EMILIN2: variants seen among roughly 807,000 people sequenced by gnomAD.
EMILIN2 encodes the protein elastin microfibril interfacer 2, also known as EMILIN-2.
EMILIN2 carries 71 observed loss-of-function variants against 87.1 expected under a neutral mutation model. That is an observed-to-expected ratio of 0.82 (90% CI 0.67 to 0.99). The LOEUF (loss-of-function observed/expected upper bound fraction) is 0.99. Ranked by LOEUF, EMILIN2 falls within the 50% of genes least tolerant of loss-of-function variation. EMILIN2 has a pLI of 0.00. For synonymous variants in EMILIN2, 581 were observed against 563.4 expected (o/e 1.03, Z -0.44); for missense variants, 1,407 against 1,371.8 (o/e 1.03, Z -0.40).
chr18:2,849,130 G>C (rs1321583146), intron 2 of EMILIN2, among the ~76,000 whole-genome samples: 2 of 152,232 alleles, frequency 1.3e-5, no homozygotes, highest in East Asian at 3.8e-4. Flanking sequence ...TTGTCAGAGA[G>C]ATAAGGTACT....
At chr18:2,855,255 A>G (rs1254255732) in intron 2 of EMILIN2, among the ~76,000 whole-genome samples, 1 of 152,162 alleles carries the variant, frequency 6.6e-6, no homozygotes, top group East Asian at 1.9e-4. Flanking sequence ...CTAGGTTCCC[A>G]GTGGAGGAGA....
chr18:2,909,770 CTT>C lies in EMILIN2; in HGVS notation c.2777_2778del (p.Phe926Ter). 1 of 1,613,114 alleles carries C rather than the reference CTT, an allele frequency of 6.2e-7. No individual in the cohort carries two copies. Among genetic ancestry groups the C allele is most frequent in the Non-Finnish European group, 8.5e-7 (1 of 1,179,702 alleles). On this transcript the variant is annotated frameshift_variant, in exon 7 of 8. Coordinates refer to ENST00000254528, the MANE Select transcript of EMILIN2 (RefSeq NM_032048.3). LOFTEE classifies it high-confidence loss of function. Reference sequence around the variant, plus strand: ...TCCCCAGTGATGGGGGCGTTGTCCTCTTTAACAAAGTGCTGGTGAACGACGGG... The same window carrying C: ...TCCCCAGTGATGGGGGCGTTGTCCTCTAACAAAGTGCTGGTGAACGACGGG... ...PFPSDGGVVL[F>X]NKVLVNDGDV...
At chr18:2,906,715 C>G in intron 4 of EMILIN2, 68 bp from the exon 5 acceptor site, 1 of 1,165,908 alleles carries the variant, frequency 8.6e-7, no homozygotes, top group East Asian at 3.3e-5. Context: ...ATGGAGGGGA[C>G]CCTGACGGGG....
At chr18:2,902,198 T>A (rs1385252784) in intron 4 of EMILIN2, among the ~76,000 whole-genome samples, 1 of 152,226 alleles carries the variant, frequency 6.6e-6, no homozygotes, top group Non-Finnish European at 1.5e-5. Flanking sequence ...CCCAACTTAA[T>A]GGCTGGCAGG....
At chr18:2,855,598 G>GA (rs2076622916) in intron 2 of EMILIN2, among the ~76,000 whole-genome samples, 1 of 152,200 alleles carries the variant, frequency 6.6e-6, no homozygotes, top group Non-Finnish European at 1.5e-5. Context: ...AGGGGAGGCA[G>GA]GTGGGGCCAG....
chr18:2,877,743 A>G (rs1364138723), intron 2 of EMILIN2, among the ~76,000 whole-genome samples: 1 of 149,740 alleles, frequency 6.7e-6, no homozygotes, highest in Non-Finnish European at 1.5e-5. Context: ...GCACCTCTGC[A>G]CTCCTGCCTG....
Position 2,892,289 on chromosome 18 carries a change from G to A in EMILIN2, c.2162G>A (p.Gly721Glu). ...KTCSKLDSIS[G>E]NLQRIKEGLN... ...TGCAGCAAGCTGGACTCTATCTCAG[G>A]AAATCTTCAGAGGATCAAGGAGGGG... The change falls in exon 4 of 8, where the codon GGA (glycine) becomes GAA (glutamate). Residue 721 changes from glycine to glutamate, a missense_variant. Physicochemically the swap from Gly to Glu is moderately conservative, Grantham distance 98. Coordinates refer to ENST00000254528, the MANE Select transcript of EMILIN2 (RefSeq NM_032048.3). 6.2e-7 allele frequency: 1 copy of A among 1,614,158 alleles called. No individual in the cohort carries two copies. Among genetic ancestry groups the A allele is most frequent in the Non-Finnish European group, 8.5e-7 (1 of 1,180,020 alleles).
chr18:2,909,053 C>T, intron 6 of EMILIN2, 78 bp downstream of exon 6: 2 of 1,540,492 alleles, frequency 1.3e-6, no homozygotes, highest in East Asian at 2.2e-5. Context: ...TCTCCTGCCT[C>T]CTCCCTCCAG....
At chr18:2,859,874 G>T (rs960349210) in intron 2 of EMILIN2, among the ~76,000 whole-genome samples, 2 of 152,064 alleles carry the variant, frequency 1.3e-5, no homozygotes, top group African/African-American at 4.8e-5. Flanking sequence ...ACTATCAGTT[G>T]GCTGTAAGTA....
chr18:2,904,060 T>C (rs1028559152), intron 4 of EMILIN2, among the ~76,000 whole-genome samples: 16 of 152,238 alleles, frequency 1.1e-4, no homozygotes, highest in Admixed American at 6.5e-5. Flanking sequence ...AAAAATATCT[T>C]TATTCTACTC....
intron 2 of EMILIN2, among the ~76,000 whole-genome samples, chr18:2,864,863 G>T (rs555282083): frequency 6.8e-6 from 1 of 147,764 alleles, no homozygotes; most frequent in Non-Finnish European, 1.5e-5. Context: ...CCAATCAGAC[G>T]TAGATTTGGT....
chr18:2,904,184 C>A (rs1390252228), intron 4 of EMILIN2, among the ~76,000 whole-genome samples: 5 of 152,194 alleles, frequency 3.3e-5, no homozygotes, highest in East Asian at 1.9e-4. Flanking sequence ...TGTTGAGAAG[C>A]CTGGTGATGC....
At chr18:2,871,783 C>T (rs925125463) in intron 2 of EMILIN2, among the ~76,000 whole-genome samples, 9 of 152,160 alleles carry the variant, frequency 5.9e-5, no homozygotes, top group Non-Finnish European at 4.4e-5. Context: ...TTAACTATAA[C>T]CCTTCATGTG....
rs532030306 is a variant in EMILIN2 at position 2,894,778 on chromosome 18, C to T, written c.2359+2292C>T. On this transcript the variant is annotated intron_variant, in intron 4 of 7. Transcript: ENST00000254528. The surrounding 1 kb of genome is among the most constrained non-coding windows in gnomAD (Gnocchi z 5.0). ...ATAAACAAGCAGAGCCTCCTCTGCC[C>T]TTGTCTAGCATCCAGGTCTAGGAGA... Among the ~76,000 whole-genome samples, 1 of 152,136 alleles carries T rather than the reference C, an allele frequency of 6.6e-6. No individual in the cohort carries two copies. The highest frequency in any genetic ancestry group is 1.5e-5 in the Non-Finnish European group (1 of 68,028).
chr18:2,858,064 CAA>C (rs145288751), intron 2 of EMILIN2, among the ~76,000 whole-genome samples: 3,905 of 152,226 alleles, frequency 0.026, 138 homozygotes, highest in African/African-American at 0.088. Context: ...TGTCTGGAAC[CAA>C]AGAGCAAAGC....
At chr18:2,876,537 T>A (rs538887303) in intron 2 of EMILIN2, among the ~76,000 whole-genome samples, 9 of 146,890 alleles carry the variant, frequency 6.1e-5, no homozygotes, top group African/African-American at 2.3e-4. Context: ...GAGGCCGAGG[T>A]GGGTGGATCA....
At chr18:2,850,787 G>A (rs1275927423) in intron 2 of EMILIN2, among the ~76,000 whole-genome samples, 1 of 152,124 alleles carries the variant, frequency 6.6e-6, no homozygotes, top group Non-Finnish European at 1.5e-5. Flanking sequence ...CCTTGACATG[G>A]TTGAGCAGAG....
intron 4 of EMILIN2, among the ~76,000 whole-genome samples, chr18:2,892,955 G>A (rs1359131334): frequency 1.3e-5 from 2 of 151,618 alleles, no homozygotes; most frequent in Non-Finnish European, 2.9e-5. Flanking sequence ...GGGAGGCTGA[G>A]GTGGGAGAAT....
intron 2 of EMILIN2, among the ~76,000 whole-genome samples, chr18:2,867,988 C>T (rs1401941736): frequency 2.6e-5 from 4 of 151,644 alleles, no homozygotes; most frequent in Non-Finnish European, 5.9e-5. Context: ...GGCTGACCCC[C>T]CCACCTCCCT....
Sources: allele counts gnomAD v4.1 joint callset (sites outside exome capture counted in the v4.1 genomes callset), GRCh38; gene constraint gnomAD v4.1.1; non-coding constraint Gnocchi (gnomAD v3.1); transcripts MANE v1.5; gene names NCBI Gene and HGNC (gene_info 2026-07-23, HGNC 2026-07-21).